The following GALNT10 variants were observed in gnomAD, a reference collection of about 807,000 sequenced individuals.
The protein encoded by GALNT10 is GalNAc transferase 10.
A neutral mutation model predicts 75.0 loss-of-function variants in GALNT10; 41 were observed. That is an observed-to-expected ratio of 0.55 (90% CI 0.43 to 0.71). The LOEUF (loss-of-function observed/expected upper bound fraction) is 0.71, where lower values mean the gene tolerates loss of function less well. Ranked by LOEUF, GALNT10 falls within the 30% of genes least tolerant of loss-of-function variation. GALNT10 has a pLI of 0.00. For synonymous variants in GALNT10, 302 were observed against 313.0 expected, an observed-to-expected ratio of 0.96 and a Z score of 0.37; for missense variants, 727 against 818.5, an observed-to-expected ratio of 0.89 and a Z score of 1.36.
At chr5:154,315,764 T>C (rs1754586570) in intron 3 of GALNT10, among the ~76,000 whole-genome samples, 1 of 152,196 alleles carries the variant, frequency 6.6e-6, no homozygotes, top group South Asian at 2.1e-4. Flanking sequence ...TGGTCATTTC[T>C]GTCAGAAGGG....
At chr5:154,380,258 G>C (rs1755713050) in intron 5 of GALNT10, among the ~76,000 whole-genome samples, 190 bp from the exon 6 acceptor site, 2 of 152,134 alleles carry the variant, frequency 1.3e-5, no homozygotes, top group Non-Finnish European at 2.9e-5. Flanking sequence ...GGGCCCCATG[G>C]AGAGTAAAAG....
intron 1 of GALNT10, among the ~76,000 whole-genome samples, chr5:154,214,089 C>T (rs1186254843): frequency 6.6e-6 from 1 of 152,148 alleles, no homozygotes; most frequent in Non-Finnish European, 1.5e-5. Context: ...CTTCTTCAAG[C>T]AACTGGAATA....
At chr5:154,404,932 A>G (rs1284811202) in intron 8 of GALNT10, among the ~76,000 whole-genome samples, 2 of 152,228 alleles carry the variant, frequency 1.3e-5, no homozygotes, top group Non-Finnish European at 2.9e-5. Context: ...TGCAAATGGA[A>G]ATCTGTCAGC....
In GALNT10 at chr5:154,284,868, AT is replaced by A. The variant is rs1239022904; in HGVS notation, c.160-9944del. 2.0e-5 allele frequency among the ~76,000 whole-genome samples: 3 copies of A among 152,256 alleles called. No individual in the cohort carries two copies. In the East Asian group the frequency reaches 5.8e-4, roughly 29 times the overall value. ...CAGTTTGCAAAACGCTTTCATATCGATTTTCTCTCCAAGCCTCAGTTTTGTC... is the reference window on the plus strand; with the variant it reads ...CAGTTTGCAAAACGCTTTCATATCGATTTCTCTCCAAGCCTCAGTTTTGTC... On this transcript the variant is annotated intron_variant, in intron 1 of 11. Transcript: ENST00000297107.
At chr5:154,305,410 G>C (rs1419664000) in intron 3 of GALNT10, among the ~76,000 whole-genome samples, 1 of 152,038 alleles carries the variant, frequency 6.6e-6, no homozygotes, top group African/African-American at 2.4e-5. Flanking sequence ...TGGTTAAAAG[G>C]TGGAGATTGT....
intron 4 of GALNT10, among the ~76,000 whole-genome samples, chr5:154,368,308 T>A (rs1189383309): frequency 1.3e-5 from 2 of 152,224 alleles, no homozygotes; most frequent in East Asian, 3.9e-4. Flanking sequence ...CTGGACTGAA[T>A]TCTCCTCAGC....
At chr5:154,392,525 C>T (rs944016051) in intron 7 of GALNT10, 9 of 152,252 alleles carry the variant, frequency 5.9e-5, no homozygotes, top group Non-Finnish European at 8.8e-5. Context: ...CACCTCTGGT[C>T]CTCATACCCC....
intron 1 of GALNT10, among the ~76,000 whole-genome samples, chr5:154,201,832 G>GATTCTCA (rs1775032230): frequency 1.3e-5 from 2 of 152,214 alleles, no homozygotes; most frequent in South Asian, 4.2e-4. Flanking sequence ...AGCAGGCTGA[G>GATTCTCA]GTAGGAGAAT....
intron 4 of GALNT10, among the ~76,000 whole-genome samples, chr5:154,362,756 G>A (rs1228788694): frequency 2.0e-5 from 3 of 152,090 alleles, no homozygotes; most frequent in East Asian, 1.9e-4. Flanking sequence ...GAATTCTTCC[G>A]GTGATGGACA....
At chr5:154,390,330 C>T (rs1755874472) in intron 7 of GALNT10, among the ~76,000 whole-genome samples, 1 of 152,224 alleles carries the variant, frequency 6.6e-6, no homozygotes, top group Non-Finnish European at 1.5e-5. Flanking sequence ...CCTCGCCTTT[C>T]TCTACTCATA....
chr5:154,214,626 A>G (rs1414571814), intron 1 of GALNT10, among the ~76,000 whole-genome samples: 2 of 152,210 alleles, frequency 1.3e-5, no homozygotes, highest in Non-Finnish European at 2.9e-5. Context: ...ACAACTCAGT[A>G]TATTCATTAC....
At chr5:154,292,772 A>G (rs1386874817) in intron 1 of GALNT10, among the ~76,000 whole-genome samples, 1 of 152,200 alleles carries the variant, frequency 6.6e-6, no homozygotes, top group South Asian at 2.1e-4. Flanking sequence ...TACATAAAAC[A>G]GATGTGTTGT....
At chr5:154,215,436 G>C (rs13178743) in intron 1 of GALNT10, among the ~76,000 whole-genome samples, 67,393 of 151,830 alleles carry the variant, frequency 0.44, 15,818 homozygotes, top group East Asian at 0.78. Context: ...GAGCCGAGAT[G>C]GCGCCACTGC....
chr5:154,337,013 G>C (rs1271763699), intron 4 of GALNT10, among the ~76,000 whole-genome samples: 1 of 152,206 alleles, frequency 6.6e-6, no homozygotes, highest in Non-Finnish European at 1.5e-5. Flanking sequence ...CAAAGAGACA[G>C]AGCTTTGATT....
At chr5:154,254,736 G>T (rs777734724) in intron 1 of GALNT10, among the ~76,000 whole-genome samples, 7 of 152,086 alleles carry the variant, frequency 4.6e-5, no homozygotes, top group Admixed American at 2.0e-4. Flanking sequence ...ATTACAGCTT[G>T]CTGGGTATAT....
intron 1 of GALNT10, among the ~76,000 whole-genome samples, chr5:154,293,102 A>C (rs1211024261): frequency 9.2e-5 from 14 of 152,228 alleles, no homozygotes; most frequent in Admixed American, 9.2e-4. Context: ...GCTGTTATAA[A>C]GATGTTGAGC....
intron 4 of GALNT10, among the ~76,000 whole-genome samples, chr5:154,339,583 CAAAT>C (rs1334862827): frequency 6.7e-6 from 1 of 149,540 alleles, no homozygotes; most frequent in Non-Finnish European, 1.5e-5. Context: ...AAAAAAAAAT[CAAAT>C]AAATCGCTCA....
Position 154,194,168 on chromosome 5 carries a change from A to T in GALNT10, c.159+3143A>T, listed in dbSNP as rs552163060. Among the ~76,000 whole-genome samples, 21 of 152,352 alleles carry T rather than the reference A, an allele frequency of 1.4e-4. No homozygotes were observed. In the South Asian group the frequency reaches 4.3e-3, roughly 32 times the overall value. On this transcript the variant is annotated intron_variant, in intron 1 of 11. Transcript: ENST00000297107. ...TCTTGTTGAAAAATGACTTCACTGG[A>T]TAAATAGCATATGTGGAATAGAAAT...
At chr5:154,214,335 T>G (rs1372000207) in intron 1 of GALNT10, among the ~76,000 whole-genome samples, 1 of 152,194 alleles carries the variant, frequency 6.6e-6, no homozygotes, top group Non-Finnish European at 1.5e-5. Flanking sequence ...GAATTAATCT[T>G]TTTTCCATCT....
Sources: allele counts gnomAD v4.1 joint callset (sites outside exome capture counted in the v4.1 genomes callset), GRCh38; gene constraint gnomAD v4.1.1; transcripts MANE v1.5; gene names NCBI Gene and HGNC (gene_info 2026-07-23, HGNC 2026-07-21).